Variants in SVIL observed in about 807,000 individuals in gnomAD.
SVIL encodes the protein supervillin.
In SVIL, 101 loss-of-function variants were observed where a neutral mutation model predicts 240.4. The observed-to-expected ratio is 0.42, with a 90% CI of 0.36 to 0.50. The LOEUF is 0.50. Ranked by LOEUF, SVIL falls within the 20% of genes least tolerant of loss-of-function variation. The pLI is 0.01. For synonymous variants in SVIL, 999 were observed against 1,100.0 expected (o/e 0.91, Z 1.82); for missense variants, 2,512 against 2,818.7 (o/e 0.89, Z 2.46).
At chr10:29,655,325 C>A (rs1000616100) in intron 3 of SVIL, among the ~76,000 whole-genome samples, 13 of 152,120 alleles carry the variant, frequency 8.5e-5, no homozygotes, top group African/African-American at 3.1e-4. Context: ...CTAGACCCCC[C>A]GGCAAGCCAC....
At chr10:29,666,939 T>A (rs538299076) in intron 2 of SVIL, among the ~76,000 whole-genome samples, 3 of 152,240 alleles carry the variant, frequency 2.0e-5, no homozygotes, top group Admixed American at 2.0e-4. Context: ...GTTTTGGGTA[T>A]GTCTTTATTA....
rs756250708 is a variant in SVIL at position 29,725,100 on chromosome 10, C to T, written c.-400+10651G>A. Among the ~76,000 whole-genome samples the T allele has an allele frequency of 1.6e-3, 232 of 147,596 alleles. 1 individual carries two copies. The highest frequency in any genetic ancestry group is 2.5e-3 in the Non-Finnish European group (170 of 67,266). On this transcript the variant is annotated intron_variant, in intron 1 of 35. Coordinates refer to the SVIL transcript ENST00000375400. Reference sequence around the variant, plus strand: ...TTTCTAAATTTTCAGGGTGGAATTTCCTCATTATGGCACACAGTTCAGGGT... The same window carrying T: ...TTTCTAAATTTTCAGGGTGGAATTTTCTCATTATGGCACACAGTTCAGGGT...
At chr10:29,463,444 G>A (rs1257631907) in intron 35 of SVIL, 48 bp downstream of exon 35, 4 of 1,587,150 alleles carry the variant, frequency 2.5e-6, no homozygotes, top group Admixed American at 3.5e-5. Flanking sequence ...ATGCCTGAGG[G>A]GCTTCCCCAT....
In SVIL at chr10:29,524,464, A is replaced by T. The variant is rs1464497548; in HGVS notation, c.2586+8T>A. On this transcript the variant is annotated splice_region_variant and intron_variant, in intron 14 of 37. Coordinates refer to ENST00000355867, the MANE Select transcript of SVIL (RefSeq NM_021738.3). ...ACACAAACTGCAATCGGACTATAGCACACCCACCTGCTCCACCTCTCCCAG... is the reference window on the plus strand; with the variant it reads ...ACACAAACTGCAATCGGACTATAGCTCACCCACCTGCTCCACCTCTCCCAG... 2.5e-6 allele frequency: 4 copies of T among 1,613,606 alleles called. No individual in the cohort carries two copies. Among genetic ancestry groups the T allele is most frequent in the Non-Finnish European group, 3.4e-6 (4 of 1,179,956 alleles).
chr10:29,502,816 T>C (rs1318536655), intron 17 of SVIL, among the ~76,000 whole-genome samples: 2 of 152,160 alleles, frequency 1.3e-5, no homozygotes, highest in Non-Finnish European at 2.9e-5. Context: ...CGAATACTTT[T>C]AGGTTGCCTG....
intron 36 of SVIL, among the ~76,000 whole-genome samples, chr10:29,460,993 C>A (rs1944192307): frequency 6.6e-6 from 1 of 152,164 alleles, no homozygotes; most frequent in South Asian, 2.1e-4. Flanking sequence ...ACCAGCTCCT[C>A]TTCCTCACCC....
chr10:29,633,543 G>A (rs1055595755), intron 1 of SVIL, among the ~76,000 whole-genome samples: 6 of 152,052 alleles, frequency 3.9e-5, no homozygotes, highest in Non-Finnish European at 7.4e-5. Context: ...CACTATCTCC[G>A]GTGAAGAACC....
chr10:29,719,310 G>A (rs1318219976), intron 1 of SVIL, among the ~76,000 whole-genome samples: 1 of 152,088 alleles, frequency 6.6e-6, no homozygotes, highest in Non-Finnish European at 1.5e-5. Flanking sequence ...GGTATAAACG[G>A]GTTAAGAAAT....
chr10:29,724,573 A>G (rs1250664259), intron 1 of SVIL, among the ~76,000 whole-genome samples: 1 of 152,170 alleles, frequency 6.6e-6, no homozygotes, highest in Non-Finnish European at 1.5e-5. Context: ...GAATGAAAAA[A>G]AATATATAAA....
At position 29,482,093 on chromosome 10, in the gene SVIL, A is replaced by G. The variant is rs1199420790; in HGVS notation, c.4956-365T>C. On this transcript the variant is annotated intron_variant, in intron 27 of 37. Transcript: ENST00000355867. ...GCCTAGGCTGAAGTGCAGTTGCACA[A>G]TCATAGCTCCCTGCAGCCTTGAACT... Among the ~76,000 whole-genome samples, 10 of 150,676 alleles carry G rather than the reference A, an allele frequency of 6.6e-5. No homozygotes were observed. The East Asian group carries it at 2.0e-3, about 30-fold the overall frequency.
chr10:29,628,047 AAATTG>A (rs1957943619), intron 1 of SVIL, among the ~76,000 whole-genome samples: 1 of 152,238 alleles, frequency 6.6e-6, no homozygotes, highest in Non-Finnish European at 1.5e-5. Context: ...ATTTGCAAAC[AAATTG>A]AATTAATTGC....
intron 1 of SVIL, among the ~76,000 whole-genome samples, chr10:29,617,995 C>A (rs1292029004): frequency 1.3e-5 from 2 of 152,184 alleles, no homozygotes; most frequent in African/African-American, 2.4e-5. Context: ...ATGAAAACAT[C>A]CTGCAGCCTC....
Position 29,524,460 on chromosome 10 carries a change from T to C in SVIL, c.2586+12A>G, listed in dbSNP as rs766212556. ...ACACACACAAACTGCAATCGGACTA[T>C]AGCACACCCACCTGCTCCACCTCTC... On this transcript the variant is annotated intron_variant, in intron 14 of 37. Transcript: ENST00000355867. 7 of 1,613,602 alleles carry C rather than the reference T, an allele frequency of 4.3e-6. No individual in the cohort carries two copies. The highest frequency in any genetic ancestry group is 4.2e-6 in the Non-Finnish European group (5 of 1,179,900).
At chr10:29,652,120 G>A (rs998990951) in intron 3 of SVIL, among the ~76,000 whole-genome samples, 10 of 151,938 alleles carry the variant, frequency 6.6e-5, no homozygotes, top group African/African-American at 2.2e-4. Flanking sequence ...ATATATTCAC[G>A]GAATTGTACG....
In SVIL at chr10:29,550,612, G is replaced by A. The variant is rs1953222644; in HGVS notation, c.812C>T (p.Pro271Leu). The A allele has an allele frequency of 1.9e-6, 3 of 1,611,268 alleles. No individual in the cohort carries two copies. The highest frequency in any genetic ancestry group is 4.5e-5 in the East Asian group (2 of 44,782). The change falls in exon 6 of 38, where the codon CCT (proline) becomes CTT (leucine). Residue 271 changes from proline (P) to leucine (L), a missense_variant. Physicochemically the swap from Pro to Leu is moderately conservative, Grantham distance 98. Transcript: ENST00000355867. ...GGATGCTTACCTGGGTCGGGCCTCAGGGGATAGCTGTGGGTCACCAAAGGA... is the reference window on the plus strand; with the variant it reads ...GGATGCTTACCTGGGTCGGGCCTCAAGGGATAGCTGTGGGTCACCAAAGGA... ...SPSFGDPQLS[P>L]EARPSTGKPK...
chr10:29,593,726 C>T (rs1245055886), intron 1 of SVIL, among the ~76,000 whole-genome samples: 1 of 145,034 alleles, frequency 6.9e-6, no homozygotes, highest in African/African-American at 2.5e-5. Context: ...TAACACCATA[C>T]ACATGTTAAG....
chr10:29,522,104 T>G (rs868347512), intron 16 of SVIL, among the ~76,000 whole-genome samples: 5 of 152,200 alleles, frequency 3.3e-5, no homozygotes, highest in African/African-American at 1.2e-4. Context: ...GAATTTAATA[T>G]TATAAAAGAT....
At chr10:29,625,255 G>C (rs931939083) in intron 1 of SVIL, among the ~76,000 whole-genome samples, 1 of 152,104 alleles carries the variant, frequency 6.6e-6, no homozygotes, top group Non-Finnish European at 1.5e-5. Flanking sequence ...AAAGTTCTGA[G>C]ACAAAGTCTG....
rs1030934039 is a variant in SVIL, at chr10:29,533,162, G to A, written c.1205C>T (p.Pro402Leu). 3 of 1,614,154 alleles carry A rather than the reference G, an allele frequency of 1.9e-6. No individual in the cohort carries two copies. Among genetic ancestry groups the A allele is most frequent in the Non-Finnish European group, 2.5e-6 (3 of 1,180,018 alleles). Residue 402 changes from proline (P) to leucine (L), a missense_variant, in exon 8 of 38, where the codon CCC (proline) becomes CTC (leucine). Pro to Leu is a moderately conservative substitution (Grantham distance 98). This residue lies in a region of SVIL where 1,443 missense variants were observed against 1,486.6 expected (regional missense o/e 0.97). Transcript: ENST00000355867. ...TAGAACCGTCAAGCTGGGAGGTTTG[G>A]GGACATTCTGGGTGGCTGATGCTAC... ...SWVASATQNV[P>L]KPPSLTVLEG...
Sources: allele counts gnomAD v4.1 joint callset (sites outside exome capture counted in the v4.1 genomes callset), GRCh38; gene constraint gnomAD v4.1.1; regional missense constraint gnomAD v4.1.1; transcripts MANE v1.5; gene names NCBI Gene and HGNC (gene_info 2026-07-23, HGNC 2026-07-21).